Variants in NR2F1-AS1 observed in about 807,000 individuals in gnomAD.
NR2F1-AS1 encodes the protein NR2F1 regulatory antisense RNA 1.
intron 4 of NR2F1-AS1, chr5:93,409,606 T>C (rs1305976793): frequency 6.6e-6 from 1 of 152,134 alleles, no homozygotes; most frequent in African/African-American, 2.4e-5. Context: ...ATAACAAATA[T>C]CCAGTATCAC....
rs187658859 is a variant in NR2F1-AS1, at chr5:93,560,939, G to A, written n.413+2425C>T. Among the ~76,000 whole-genome samples, 226 of 152,338 alleles carry A rather than the reference G, an allele frequency of 1.5e-3. 1 individual carries two copies. Among genetic ancestry groups the A allele is most frequent in the South Asian group, 5.8e-3 (28 of 4,826 alleles). On this transcript the variant is annotated intron_variant and non_coding_transcript_variant, in intron 2 of 5. Coordinates refer to ENST00000660523, the Ensembl canonical transcript of NR2F1-AS1. ...AGTCCAGAAAGACTGCAATTATTAT[G>A]GAAAGAATGGTGGTATTTTTGTTAA...
At chr5:93,419,879 C>T (rs1311032035) in intron 4 of NR2F1-AS1, among the ~76,000 whole-genome samples, 1 of 152,092 alleles carries the variant, frequency 6.6e-6, no homozygotes, top group Non-Finnish European at 1.5e-5. Context: ...AAATCCAAAA[C>T]ACACATGGCT....
intron 4 of NR2F1-AS1, among the ~76,000 whole-genome samples, chr5:93,428,450 A>C (rs75916899): frequency 0.046 from 7,072 of 152,294 alleles, 536 homozygotes; most frequent in African/African-American, 0.16. Context: ...TCAAAACTAC[A>C]ATATTTCAAT....
chr5:93,453,749 AG>A (rs1366705990), intron 4 of NR2F1-AS1, among the ~76,000 whole-genome samples: 1 of 152,180 alleles, frequency 6.6e-6, no homozygotes, highest in African/African-American at 2.4e-5. Context: ...CGTTCTATAC[AG>A]GAAAAAATAT....
chr5:93,528,186 C>A (rs1751661621), intron 4 of NR2F1-AS1, among the ~76,000 whole-genome samples: 2 of 152,172 alleles, frequency 1.3e-5, no homozygotes, highest in Middle Eastern at 3.4e-3. Context: ...AAAAAGTGGG[C>A]AAACGATATG....
At chr5:93,529,599 T>C (rs1353512270) in intron 4 of NR2F1-AS1, among the ~76,000 whole-genome samples, 1 of 152,168 alleles carries the variant, frequency 6.6e-6, no homozygotes, top group Admixed American at 6.5e-5. Context: ...TGGTGCCTCA[T>C]TTTTAATAAA....
intron 1 of NR2F1-AS1, among the ~76,000 whole-genome samples, chr5:93,571,839 T>C (rs1752776206): frequency 6.6e-6 from 1 of 151,350 alleles, no homozygotes; most frequent in Admixed American, 6.6e-5. Flanking sequence ...GGGGTTCCCC[T>C]TTGCAAACGG....
At chr5:93,446,316 C>G (rs555868535) in intron 4 of NR2F1-AS1, among the ~76,000 whole-genome samples, 1 of 152,140 alleles carries the variant, frequency 6.6e-6, no homozygotes, top group Non-Finnish European at 1.5e-5. Flanking sequence ...CGTCTCAGCC[C>G]AAAATCTCCT....
intron 4 of NR2F1-AS1, among the ~76,000 whole-genome samples, chr5:93,501,880 G>T (rs1035214358): frequency 1.3e-5 from 2 of 152,092 alleles, no homozygotes; most frequent in South Asian, 4.2e-4. Context: ...ATGAAAGACA[G>T]AGTCAATCGA....
upstream of NR2F1-AS1, among the ~76,000 whole-genome samples, chr5:93,582,809 G>A (rs1169087932): frequency 1.3e-5 from 2 of 151,806 alleles, no homozygotes; most frequent in Admixed American, 6.6e-5. Flanking sequence ...TGTGACCATA[G>A]ACGACCCATA....
intron 4 of NR2F1-AS1, among the ~76,000 whole-genome samples, chr5:93,533,530 C>T (rs931147989): frequency 2.0e-4 from 30 of 152,004 alleles, no homozygotes; most frequent in African/African-American, 7.0e-4. Flanking sequence ...CTGGATACTT[C>T]ACAGCAGGGC....
At chr5:93,476,606 A>C (rs1368633375) in intron 4 of NR2F1-AS1, among the ~76,000 whole-genome samples, 1 of 152,204 alleles carries the variant, frequency 6.6e-6, no homozygotes, top group Non-Finnish European at 1.5e-5. Context: ...TAACAACTTA[A>C]TCTGCCTTCA....
chr5:93,521,831 A>C (rs10067105), intron 4 of NR2F1-AS1, among the ~76,000 whole-genome samples: 3,519 of 152,284 alleles, frequency 0.023, 125 homozygotes, highest in African/African-American at 0.081. Flanking sequence ...AAAGCCTGCC[A>C]TTCAACCCAG....
At chr5:93,415,654 T>C (rs889726797) in intron 4 of NR2F1-AS1, among the ~76,000 whole-genome samples, 4 of 152,210 alleles carry the variant, frequency 2.6e-5, no homozygotes, top group African/African-American at 7.2e-5. Context: ...TCCACTTGTA[T>C]TGGGCAGTCC....
chr5:93,463,983 T>C (rs1750161655), intron 4 of NR2F1-AS1, among the ~76,000 whole-genome samples: 2 of 152,098 alleles, frequency 1.3e-5, no homozygotes, highest in African/African-American at 4.8e-5. Context: ...AGTTAAGACT[T>C]TGGGAGACTG....
chr5:93,536,200 A>G (rs1338104933), intron 4 of NR2F1-AS1, among the ~76,000 whole-genome samples: 1 of 152,110 alleles, frequency 6.6e-6, no homozygotes, highest in Non-Finnish European at 1.5e-5. Flanking sequence ...AATAGCTACC[A>G]AAAAGTAAGA....
chr5:93,443,953 T>C (rs537291673), intron 4 of NR2F1-AS1, among the ~76,000 whole-genome samples: 5 of 152,234 alleles, frequency 3.3e-5, no homozygotes, highest in South Asian at 2.1e-4. Flanking sequence ...CCAAACTAAG[T>C]TTCATAAGTG....
At chr5:93,431,859 A>C (rs989774321) in intron 4 of NR2F1-AS1, among the ~76,000 whole-genome samples, 1 of 152,200 alleles carries the variant, frequency 6.6e-6, no homozygotes, top group African/African-American at 2.4e-5. Context: ...GAGTTTGATT[A>C]ATATGTTTTA....
chr5:93,527,560 C>A (rs1751643973), intron 4 of NR2F1-AS1, among the ~76,000 whole-genome samples: 1 of 152,100 alleles, frequency 6.6e-6, no homozygotes, highest in South Asian at 2.1e-4. Flanking sequence ...GCAAAAAGAA[C>A]AAAGCTGGAG....
Sources: allele counts gnomAD v4.1 joint callset (sites outside exome capture counted in the v4.1 genomes callset), GRCh38; gene constraint gnomAD v4.1.1; transcripts MANE v1.5; gene names NCBI Gene and HGNC (gene_info 2026-07-23, HGNC 2026-07-21).